Variants in EPG5 observed in about 807,000 individuals in gnomAD.
The protein encoded by EPG5 is ectopic P-granules 5 autophagy tethering factor, also known as ectopic P granules protein 5 homolog.
EPG5 carries 159 observed loss-of-function variants against 302.7 expected under a neutral mutation model. The observed-to-expected ratio is 0.53, with a 90% CI of 0.46 to 0.60. EPG5 has a LOEUF of 0.60. EPG5 is among the 20% of genes least tolerant of loss of function. The pLI, the probability that EPG5 is intolerant of heterozygous loss-of-function variation, is 0.00. For synonymous variants in EPG5, 1,158 were observed against 1,136.8 expected (o/e 1.02, Z -0.37); for missense variants, 2,896 against 3,092.4 (o/e 0.94, Z 1.51).
At chr18:45,920,688 C>G (rs2050135524) in intron 16 of EPG5, among the ~76,000 whole-genome samples, 1 of 152,124 alleles carries the variant, frequency 6.6e-6, no homozygotes, top group African/African-American at 2.4e-5. Context: ...AGAACTCATT[C>G]ATTACTGAGA....
the EPG5 span, among the ~76,000 whole-genome samples, chr18:45,803,495 C>T: frequency 6.6e-6 from 1 of 152,204 alleles, no homozygotes; most frequent in African/African-American, 2.4e-5. Flanking sequence ...GCTGCAGTCA[C>T]TGTCCTGAGG....
chr18:45,858,337 A>G (rs1002090319), intron 41 of EPG5, among the ~76,000 whole-genome samples: 2 of 152,240 alleles, frequency 1.3e-5, no homozygotes, highest in African/African-American at 4.8e-5. Context: ...CTTAACTGGT[A>G]AGGAAACTGA....
chr18:45,896,792 C>T (rs1347253274), intron 27 of EPG5, among the ~76,000 whole-genome samples: 1 of 152,124 alleles, frequency 6.6e-6, no homozygotes, highest in East Asian at 1.9e-4. Flanking sequence ...AGCAATCTGC[C>T]CACCTCAACC....
intron 36 of EPG5, among the ~76,000 whole-genome samples, chr18:45,869,498 C>G (rs1416540703): frequency 6.6e-6 from 1 of 152,210 alleles, no homozygotes; most frequent in African/African-American, 2.4e-5. Flanking sequence ...CATCCCTTAA[C>G]AGGCTGTGCT....
At chr18:45,914,096 G>A (rs2049972672) in intron 20 of EPG5, among the ~76,000 whole-genome samples, 1 of 152,202 alleles carries the variant, frequency 6.6e-6, no homozygotes, top group South Asian at 2.1e-4. Flanking sequence ...TACCAGGCAA[G>A]ATCTGTGTGC....
At chr18:45,820,048 C>T in the EPG5 span, among the ~76,000 whole-genome samples, 1 of 152,134 alleles carries the variant, frequency 6.6e-6, no homozygotes, top group South Asian at 2.1e-4. Flanking sequence ...CAGTTTCACC[C>T]CCATCTGGTG....
intron 10 of EPG5, among the ~76,000 whole-genome samples, chr18:45,936,385 T>TA (rs988586563): frequency 1.1e-4 from 16 of 150,776 alleles, no homozygotes; most frequent in South Asian, 2.1e-4. Flanking sequence ...TTATCACAAC[T>TA]AAAAAAAAAC....
chr18:45,841,838 C>T, the EPG5 span, among the ~76,000 whole-genome samples: 1 of 152,100 alleles, frequency 6.6e-6, no homozygotes, highest in Non-Finnish European at 1.5e-5. Context: ...CCGGAGATTC[C>T]GATTTGTAGG....
chr18:45,827,475 A>G, the EPG5 span, among the ~76,000 whole-genome samples: 2 of 152,164 alleles, frequency 1.3e-5, no homozygotes, highest in Non-Finnish European at 2.9e-5. Flanking sequence ...CCACTGAGAC[A>G]GTGGCCAGAC....
chr18:45,802,499 G>A, the EPG5 span, among the ~76,000 whole-genome samples: 6 of 152,042 alleles, frequency 3.9e-5, no homozygotes, highest in African/African-American at 7.2e-5. Flanking sequence ...CAGCCTGGGC[G>A]ACAGAGCAAG....
At chr18:45,959,381 T>C (rs1001368153) in intron 1 of EPG5, among the ~76,000 whole-genome samples, 1 of 151,890 alleles carries the variant, frequency 6.6e-6, no homozygotes, top group Non-Finnish European at 1.5e-5. Flanking sequence ...CATGGGCGGC[T>C]CACACCTGTA....
intron 25 of EPG5, among the ~76,000 whole-genome samples, 192 bp from the exon 26 acceptor site, chr18:45,901,359 T>C (rs978646550): frequency 3.3e-5 from 5 of 152,190 alleles, no homozygotes; most frequent in African/African-American, 1.2e-4. Flanking sequence ...AAGTTTGGAC[T>C]TGATATTAGT....
chr18:45,811,290 G>A, the EPG5 span, among the ~76,000 whole-genome samples: 1 of 152,116 alleles, frequency 6.6e-6, no homozygotes, highest in Non-Finnish European at 1.5e-5. Context: ...AAAGCTCCTA[G>A]AACTGATAAA....
intron 36 of EPG5, chr18:45,868,055 G>T (rs1183283812): frequency 1.0e-5 from 5 of 483,696 alleles, no homozygotes; most frequent in Non-Finnish European, 2.0e-5. Context: ...TAAGTCACTG[G>T]AGCTGCAGGG....
intron 14 of EPG5, 58 bp downstream of exon 14, chr18:45,925,680 T>G (rs575400683): frequency 7.6e-7 from 1 of 1,318,414 alleles, no homozygotes; most frequent in East Asian, 2.8e-5. Context: ...ACAAAATCCT[T>G]CTTTGAAACA....
At chr18:45,887,662 G>A (rs1337471739) in intron 29 of EPG5, 89 bp downstream of exon 29, 1 of 1,168,860 alleles carries the variant, frequency 8.6e-7, no homozygotes, top group African/African-American at 1.6e-5. Context: ...TGTAATATAA[G>A]TCTGAAGTCA....
the EPG5 span, chr18:45,836,929 C>G: frequency 1.4e-6 from 1 of 729,670 alleles, no homozygotes; most frequent in East Asian, 2.5e-5. Flanking sequence ...ATCCTGAACG[C>G]TGGCTTGGCC....
intron 20 of EPG5, 24 bp downstream of exon 20, chr18:45,915,487 T>C: frequency 6.7e-7 from 1 of 1,492,564 alleles, no homozygotes; most frequent in Non-Finnish European, 9.3e-7. Context: ...AGATAACAAA[T>C]GATCCTCTCA....
intron 42 of EPG5, 60 bp from the exon 43 acceptor site, chr18:45,855,747 T>C: frequency 1.9e-6 from 2 of 1,039,038 alleles, no homozygotes; most frequent in East Asian, 2.4e-5. Flanking sequence ...CATTTTGAAA[T>C]AAACACCATA....
Sources: gnomAD v4.1 joint callset for allele counts (sites outside exome capture counted in the v4.1 genomes callset) on GRCh38, gnomAD v4.1.1 for gene constraint, MANE v1.5 for transcripts, NCBI Gene and HGNC (gene_info 2026-07-23, HGNC 2026-07-21) for gene names.